The following MAF variants were observed in gnomAD, a reference collection of about 807,000 sequenced individuals.
MAF encodes transcription factor Maf.
Under a neutral mutation model 22.0 loss-of-function variants are expected in MAF, and 10 were observed. The ratio of observed to expected loss-of-function variants is 0.45; its 90% CI spans 0.28 to 0.77. The LOEUF (loss-of-function observed/expected upper bound fraction) is 0.77, where lower values mean the gene tolerates loss of function less well. Ranked by LOEUF, MAF falls within the 30% of genes least tolerant of loss-of-function variation. The pLI is 0.12. For missense variants in MAF, 544 were observed against 548.4 expected, an observed-to-expected ratio of 0.99 and a Z score of 0.08; for synonymous variants, 337 against 255.8, an observed-to-expected ratio of 1.32 and a Z score of -3.03.
chr16:79,271,354 TG>T, the MAF span, among the ~76,000 whole-genome samples: 4 of 152,170 alleles, frequency 2.6e-5, no homozygotes, highest in Non-Finnish European at 5.9e-5. Context: ...AGCCTCCCAA[TG>T]TATGTAAATA....
chr16:79,213,324 T>G, the MAF span, among the ~76,000 whole-genome samples: 1 of 152,216 alleles, frequency 6.6e-6, no homozygotes, highest in African/African-American at 2.4e-5. Flanking sequence ...TGCCCTCCAG[T>G]GGCCCATAGC....
the MAF span, among the ~76,000 whole-genome samples, chr16:79,315,601 A>G: frequency 6.6e-6 from 1 of 152,318 alleles, no homozygotes; most frequent in East Asian, 1.9e-4. Flanking sequence ...AGCTTTCCCA[A>G]GTTCCTAATA....
chr16:79,250,702 C>G, the MAF span, among the ~76,000 whole-genome samples: 1 of 152,116 alleles, frequency 6.6e-6, no homozygotes, highest in African/African-American at 2.4e-5. Flanking sequence ...GGGATTCTAT[C>G]CAGCAGGCCT....
the MAF span, among the ~76,000 whole-genome samples, chr16:79,226,725 CT>C: frequency 6.6e-5 from 10 of 151,890 alleles, no homozygotes; most frequent in East Asian, 1.9e-3. Context: ...ACATTTTTTT[CT>C]TAGGCTCATC....
the MAF span, among the ~76,000 whole-genome samples, chr16:79,389,480 T>C: frequency 6.6e-6 from 1 of 152,182 alleles, no homozygotes; most frequent in Admixed American, 6.5e-5. Flanking sequence ...CAGGCTGGTC[T>C]TGAACTCCTG....
chr16:79,439,477 G>T, the MAF span, among the ~76,000 whole-genome samples: 1 of 151,930 alleles, frequency 6.6e-6, no homozygotes, highest in Non-Finnish European at 1.5e-5. Context: ...AGCCAGGATG[G>T]TCTCAATCTC....
the MAF span, among the ~76,000 whole-genome samples, chr16:79,511,719 T>C: frequency 1.3e-5 from 2 of 152,288 alleles, no homozygotes; most frequent in African/African-American, 4.8e-5. Flanking sequence ...CTGCAAAATT[T>C]CCTGTGAGAT....
chr16:79,436,868 G>A, the MAF span, among the ~76,000 whole-genome samples: 3 of 152,184 alleles, frequency 2.0e-5, no homozygotes, highest in East Asian at 1.9e-4. Context: ...ACACAGGCTC[G>A]ACGCTGCAAC....
chr16:79,535,707 G>A, the MAF span, among the ~76,000 whole-genome samples: 2 of 150,614 alleles, frequency 1.3e-5, no homozygotes, highest in South Asian at 2.1e-4. Context: ...TCCTGAGTAG[G>A]AGTCCTCAGC....
the MAF span, among the ~76,000 whole-genome samples, chr16:79,332,921 G>A: frequency 1.4e-4 from 21 of 152,324 alleles, 1 homozygote; most frequent in South Asian, 4.1e-3. Context: ...TTCACAGCCA[G>A]GTGCTGCTGA....
chr16:79,395,210 G>T, the MAF span, among the ~76,000 whole-genome samples: 4 of 152,190 alleles, frequency 2.6e-5, no homozygotes, highest in Non-Finnish European at 4.4e-5. Context: ...GCCTGAGCCT[G>T]TGCCTGTCAG....
the MAF span, among the ~76,000 whole-genome samples, chr16:79,514,977 C>G: frequency 6.6e-6 from 1 of 152,178 alleles, no homozygotes; most frequent in African/African-American, 2.4e-5. Flanking sequence ...AACTTGCCAC[C>G]ATTACCGTGC....
chr16:79,455,585 T>C, the MAF span, among the ~76,000 whole-genome samples: 2 of 152,198 alleles, frequency 1.3e-5, no homozygotes, highest in Non-Finnish European at 2.9e-5. Context: ...AAATAACTTG[T>C]TTTTTCTCCC....
chr16:79,405,268 T>C, the MAF span, among the ~76,000 whole-genome samples: 1 of 152,148 alleles, frequency 6.6e-6, no homozygotes, highest in Non-Finnish European at 1.5e-5. Flanking sequence ...TCTCATGAAG[T>C]CTGAGCAAGA....
At chr16:79,575,548 C>A in the MAF span, among the ~76,000 whole-genome samples, 1 of 152,152 alleles carries the variant, frequency 6.6e-6, no homozygotes, top group South Asian at 2.1e-4. Flanking sequence ...CCAACCTCTG[C>A]TGAGGGTTTC....
the MAF span, among the ~76,000 whole-genome samples, chr16:79,464,245 G>A: frequency 6.6e-6 from 1 of 152,112 alleles, no homozygotes; most frequent in Non-Finnish European, 1.5e-5. Flanking sequence ...TGACTCAGAT[G>A]ACTCCAGAGG....
At chr16:79,597,326 G>C (rs1913592034) in intron 1 of MAF, 2 of 1,040,682 alleles carry the variant, frequency 1.9e-6, no homozygotes, top group Non-Finnish European at 2.3e-6. Context: ...GAAACCCAGA[G>C]CATTCCACAT....
the MAF span, among the ~76,000 whole-genome samples, chr16:79,381,129 C>G: frequency 6.6e-6 from 1 of 152,256 alleles, no homozygotes; most frequent in Non-Finnish European, 1.5e-5. Flanking sequence ...CCAGCAGCTG[C>G]AGCTAGAGAT....
the MAF span, among the ~76,000 whole-genome samples, chr16:79,254,258 T>C: frequency 1.3e-5 from 2 of 152,288 alleles, no homozygotes; most frequent in East Asian, 3.9e-4. Context: ...TCCCTGCCTC[T>C]TTCTCTCTCT....
Sources: gnomAD v4.1 joint callset for allele counts (sites outside exome capture counted in the v4.1 genomes callset) on GRCh38, gnomAD v4.1.1 for gene constraint, MANE v1.5 for transcripts, NCBI Gene and HGNC (gene_info 2026-07-23, HGNC 2026-07-21) for gene names.